The following ZNF521 variants were observed in gnomAD, a reference collection of about 807,000 sequenced individuals.
ZNF521 encodes the protein LYST-interacting protein 3.
ZNF521 carries 14 observed loss-of-function variants against 105.5 expected under a neutral mutation model. The observed-to-expected ratio is 0.13, with a 90% CI of 0.09 to 0.21. The LOEUF (loss-of-function observed/expected upper bound fraction) is 0.21. ZNF521 is among the 10% of genes least tolerant of loss of function. The pLI is 1.00. For synonymous variants in ZNF521, 635 were observed against 606.0 expected, an observed-to-expected ratio of 1.05 and a Z score of -0.70; for missense variants, 1,233 against 1,629.7, an observed-to-expected ratio of 0.76 and a Z score of 4.19.
chr18:25,274,176 ATG>A (rs1909884985), intron 3 of ZNF521, among the ~76,000 whole-genome samples: 1 of 152,198 alleles, frequency 6.6e-6, no homozygotes, highest in East Asian at 1.9e-4. Context: ...TGATCCTGGA[ATG>A]AGGAGATTCC....
chr18:25,236,171 G>A (rs1337273587), intron 3 of ZNF521, among the ~76,000 whole-genome samples: 1 of 152,200 alleles, frequency 6.6e-6, no homozygotes, highest in African/African-American at 2.4e-5. Context: ...ACTCAAAGTA[G>A]TATCTGTTGT....
intron 5 of ZNF521, among the ~76,000 whole-genome samples, chr18:25,156,915 T>C (rs1017869377): frequency 3.9e-5 from 6 of 152,024 alleles, no homozygotes; most frequent in African/African-American, 1.5e-4. Flanking sequence ...TAACAACAAA[T>C]AGAAATGGCA....
chr18:25,196,706 GT>G (rs999058926), intron 4 of ZNF521, among the ~76,000 whole-genome samples: 21 of 151,692 alleles, frequency 1.4e-4, no homozygotes, highest in African/African-American at 4.8e-4. Flanking sequence ...ACACCGAGCT[GT>G]TTACAAGATG....
At chr18:25,067,687 C>G (rs2033105275) in intron 7 of ZNF521, among the ~76,000 whole-genome samples, 1 of 152,184 alleles carries the variant, frequency 6.6e-6, no homozygotes, top group African/African-American at 2.4e-5. Flanking sequence ...GCACCTACAT[C>G]AATGATGAAA....
intron 5 of ZNF521, among the ~76,000 whole-genome samples, chr18:25,147,125 A>T (rs1475034904): frequency 6.6e-6 from 1 of 152,132 alleles, no homozygotes; most frequent in East Asian, 1.9e-4. Context: ...CCCAGCTCAC[A>T]GTTAACAAGC....
chr18:25,065,636 T>TAA (rs562209553), intron 7 of ZNF521, among the ~76,000 whole-genome samples: 2 of 138,466 alleles, frequency 1.4e-5, no homozygotes, highest in African/African-American at 2.6e-5. Flanking sequence ...TCTTACCAAA[T>TAA]AAAAAAAAAA....
intron 3 of ZNF521, among the ~76,000 whole-genome samples, chr18:25,258,380 T>C (rs1908667755): frequency 1.3e-5 from 2 of 152,174 alleles, no homozygotes; most frequent in South Asian, 2.1e-4. Flanking sequence ...AAGGGAGCTA[T>C]GACAACTCTC....
At chr18:25,119,438 A>C (rs1399220819) in intron 5 of ZNF521, among the ~76,000 whole-genome samples, 1 of 152,206 alleles carries the variant, frequency 6.6e-6, no homozygotes, top group African/African-American at 2.4e-5. Flanking sequence ...AGTATCAATA[A>C]ATTTAATAGA....
intron 3 of ZNF521, among the ~76,000 whole-genome samples, chr18:25,237,291 T>G (rs1446489492): frequency 6.6e-6 from 1 of 152,184 alleles, no homozygotes; most frequent in Non-Finnish European, 1.5e-5. Flanking sequence ...ATTACAAAAG[T>G]GCTAATCGTA....
chr18:25,329,595 C>CA (rs1327329036), intron 2 of ZNF521, among the ~76,000 whole-genome samples: 1 of 152,120 alleles, frequency 6.6e-6, no homozygotes, highest in Non-Finnish European at 1.5e-5. Context: ...TGTTGCTATT[C>CA]AAAATGGGGG....
At position 25,182,850 on chromosome 18, in the gene ZNF521, T is replaced by C. The variant is rs144752297; in HGVS notation, c.3658+12310A>G. Among the ~76,000 whole-genome samples the C allele has an allele frequency of 5.0e-3, 767 of 152,238 alleles. 6 individuals are homozygous for C. The highest frequency in any genetic ancestry group is 0.018 in the African/African-American group (747 of 41,542). ...TATAAATCTGAACAAACGACCAGTC[T>C]TTACCTTTACACCTTCAAAACTAAT... On this transcript the variant is annotated intron_variant, in intron 5 of 7. Coordinates refer to ENST00000361524, the MANE Select transcript of ZNF521 (RefSeq NM_015461.3).
At chr18:25,176,609 G>C (rs2035539140) in intron 5 of ZNF521, among the ~76,000 whole-genome samples, 1 of 152,088 alleles carries the variant, frequency 6.6e-6, no homozygotes, top group African/African-American at 2.4e-5. Flanking sequence ...TGAAGGAGAG[G>C]GACTCAGCAT....
chr18:25,066,761 A>G (rs1418460261), intron 7 of ZNF521, among the ~76,000 whole-genome samples: 2 of 152,206 alleles, frequency 1.3e-5, no homozygotes, highest in African/African-American at 2.4e-5. Flanking sequence ...AATGCATATG[A>G]GCAGAAAGCG....
intron 3 of ZNF521, among the ~76,000 whole-genome samples, chr18:25,249,861 A>G (rs1451106430): frequency 1.3e-5 from 2 of 152,250 alleles, no homozygotes; most frequent in African/African-American, 2.4e-5. Context: ...AGAGGCTGAA[A>G]GCTGACAATC....
intron 3 of ZNF521, among the ~76,000 whole-genome samples, chr18:25,273,037 G>A (rs1909770266): frequency 6.6e-6 from 1 of 150,956 alleles, no homozygotes; most frequent in African/African-American, 2.4e-5. Context: ...GACCAGCCTG[G>A]GCAACATGGC....
intron 3 of ZNF521, among the ~76,000 whole-genome samples, chr18:25,255,904 T>C (rs1004600911): frequency 2.6e-5 from 4 of 151,044 alleles, no homozygotes; most frequent in African/African-American, 9.7e-5. Context: ...TCATGAATGA[T>C]GATGAATGAA....
chr18:25,122,384 G>A (rs1167371439), intron 5 of ZNF521, among the ~76,000 whole-genome samples: 2 of 152,178 alleles, frequency 1.3e-5, no homozygotes, highest in African/African-American at 2.4e-5. Flanking sequence ...ACTGTCAAGT[G>A]ACAGAGTGTC....
chr18:25,272,490 T>C (rs1421785226), intron 3 of ZNF521, among the ~76,000 whole-genome samples: 3 of 152,210 alleles, frequency 2.0e-5, no homozygotes, highest in East Asian at 1.9e-4. Flanking sequence ...CTGTTCCCAA[T>C]AGCAAAGACT....
intron 5 of ZNF521, among the ~76,000 whole-genome samples, chr18:25,127,323 A>G (rs988943325): frequency 2.0e-5 from 3 of 152,056 alleles, no homozygotes; most frequent in African/African-American, 7.2e-5. Flanking sequence ...GGACCGACAT[A>G]GAGACTTCCT....
Sources: allele counts gnomAD v4.1 joint callset (sites outside exome capture counted in the v4.1 genomes callset), GRCh38; gene constraint gnomAD v4.1.1; transcripts MANE v1.5; gene names NCBI Gene and HGNC (gene_info 2026-07-23, HGNC 2026-07-21).